Variants in CCDC91 observed in about 807,000 individuals in gnomAD.
CCDC91 encodes the protein coiled-coil domain containing 91.
In CCDC91, 48 loss-of-function variants were observed where a neutral mutation model predicts 63.2. The observed-to-expected ratio is 0.76, with a 90% CI of 0.60 to 0.97. The LOEUF (loss-of-function observed/expected upper bound fraction) is 0.97. CCDC91 is among the 50% of genes least tolerant of loss of function. CCDC91 has a pLI of 0.00. For missense variants in CCDC91, 500 were observed against 494.6 expected, an observed-to-expected ratio of 1.01 and a Z score of -0.10; for synonymous variants, 167 against 165.8, an observed-to-expected ratio of 1.01 and a Z score of -0.06.
At chr12:28,528,383 C>G (rs1040070344) in intron 12 of CCDC91, among the ~76,000 whole-genome samples, 1 of 152,198 alleles carries the variant, frequency 6.6e-6, no homozygotes, top group Non-Finnish European at 1.5e-5. Flanking sequence ...CTTTTCCCAT[C>G]ATCTAGAGCT....
intron 7 of CCDC91, among the ~76,000 whole-genome samples, chr12:28,366,278 C>T (rs918035473): frequency 7.2e-5 from 11 of 152,058 alleles, no homozygotes; most frequent in East Asian, 3.9e-4. Flanking sequence ...GTGGGTTCCC[C>T]GGATTTTCTT....
intron 8 of CCDC91, among the ~76,000 whole-genome samples, chr12:28,414,726 A>C (rs956750740): frequency 2.0e-5 from 3 of 152,200 alleles, no homozygotes; most frequent in Admixed American, 6.5e-5. Flanking sequence ...TGGTAATGAT[A>C]TATTGTTACA....
At position 28,405,484 on chromosome 12, in the gene CCDC91, G is replaced by A. The variant is rs528853855; in HGVS notation, c.762+14073G>A. On this transcript the variant is annotated intron_variant, in intron 8 of 12. Coordinates refer to ENST00000536442, the MANE Select transcript of CCDC91 (RefSeq NM_018318.5). ...ATTCCTTCTCAGATGCTTTTTCCAT[G>A]TTTATGTAGTTTCAAGCGTCTGACC... 1.1e-3 allele frequency among the ~76,000 whole-genome samples: 171 copies of A among 152,242 alleles called. 2 individuals carry two copies. The highest frequency in any genetic ancestry group is 3.5e-3 in the African/African-American group (145 of 41,574).
intron 3 of CCDC91, among the ~76,000 whole-genome samples, chr12:28,285,540 A>G (rs547250848): frequency 6.6e-6 from 1 of 152,080 alleles, no homozygotes; most frequent in South Asian, 2.1e-4. Flanking sequence ...TGGAATAAAG[A>G]GAATTAAATA....
intron 8 of CCDC91, among the ~76,000 whole-genome samples, chr12:28,405,067 CT>C (rs145338903): frequency 0.059 from 9,007 of 151,630 alleles, 401 homozygotes; most frequent in Non-Finnish European, 0.089. Context: ...ATTTGTTGCT[CT>C]TTTTTTTGGT....
intron 10 of CCDC91, among the ~76,000 whole-genome samples, chr12:28,451,409 G>T (rs1831888999): frequency 6.6e-6 from 1 of 151,644 alleles, no homozygotes; most frequent in Admixed American, 6.6e-5. Context: ...AGGTGGACAA[G>T]TTGTATACTG....
intron 1 of CCDC91, among the ~76,000 whole-genome samples, chr12:28,220,987 TC>T (rs1565630106): frequency 6.6e-6 from 1 of 152,132 alleles, no homozygotes; most frequent in Non-Finnish European, 1.5e-5. Flanking sequence ...TTCATGAAAT[TC>T]AGAAAATTTT....
In CCDC91 at chr12:28,279,954, C is replaced by T. The variant is rs1195000765; in HGVS notation, c.109+20512C>T. Among the ~76,000 whole-genome samples the T allele has an allele frequency of 5.3e-5, 8 of 152,122 alleles. No individual in the cohort carries two copies. In the South Asian group the frequency reaches 1.7e-3, roughly 31 times the overall value. On this transcript the variant is annotated intron_variant, in intron 3 of 12. Coordinates refer to ENST00000536442, the MANE Select transcript of CCDC91 (RefSeq NM_018318.5). ...GGTCTAAAATATGATAACATCATAT[C>T]TACTATTTTAGATATAGCTCATATT...
chr12:28,343,040 A>G (rs1019480537), intron 6 of CCDC91, among the ~76,000 whole-genome samples: 1 of 151,976 alleles, frequency 6.6e-6, no homozygotes. Context: ...TAGAAAATGC[A>G]TGTTTTGTGT....
chr12:28,527,862 G>T (rs1055295264), intron 12 of CCDC91, among the ~76,000 whole-genome samples: 1 of 152,048 alleles, frequency 6.6e-6, no homozygotes, highest in Non-Finnish European at 1.5e-5. Flanking sequence ...TGTCATGCAG[G>T]TTGCCAGGAA....
chr12:28,348,944 A>C (rs1456553927), intron 6 of CCDC91, among the ~76,000 whole-genome samples: 1 of 152,100 alleles, frequency 6.6e-6, no homozygotes, highest in Non-Finnish European at 1.5e-5. Context: ...GGCTGGTCTC[A>C]AACTCCTGAC....
chr12:28,288,141 C>T (rs990829578), intron 3 of CCDC91, among the ~76,000 whole-genome samples: 2 of 152,190 alleles, frequency 1.3e-5, no homozygotes, highest in Non-Finnish European at 2.9e-5. Flanking sequence ...ATCATGTTGT[C>T]TGCAAGCAGG....
At chr12:28,313,303 G>A (rs55996833) in intron 6 of CCDC91, among the ~76,000 whole-genome samples, 37,884 of 151,890 alleles carry the variant, frequency 0.25, 5,257 homozygotes, top group East Asian at 0.57. Flanking sequence ...CTTAAGAAAT[G>A]TTAGTATGTG....
At chr12:28,398,369 C>A (rs1236112502) in intron 8 of CCDC91, among the ~76,000 whole-genome samples, 2 of 151,856 alleles carry the variant, frequency 1.3e-5, no homozygotes, top group Non-Finnish European at 2.9e-5. Context: ...ATAATTTATA[C>A]CCTTTGATTG....
chr12:28,372,475 CATTT>C (rs1289062995), intron 7 of CCDC91, among the ~76,000 whole-genome samples: 1 of 151,942 alleles, frequency 6.6e-6, no homozygotes, highest in Admixed American at 6.6e-5. Flanking sequence ...GATGTATTCT[CATTT>C]GTTTGTGTCA....
At chr12:28,296,604 A>G (rs1949578657) in intron 3 of CCDC91, among the ~76,000 whole-genome samples, 1 of 151,824 alleles carries the variant, frequency 6.6e-6, no homozygotes, top group Non-Finnish European at 1.5e-5. Flanking sequence ...CCTAAAATCC[A>G]TTATATTACA....
At chr12:28,411,582 A>G (rs1356268169) in intron 8 of CCDC91, among the ~76,000 whole-genome samples, 2 of 152,110 alleles carry the variant, frequency 1.3e-5, no homozygotes, top group Non-Finnish European at 2.9e-5. Context: ...TTTATACAGA[A>G]TTTACTATGT....
At chr12:28,312,866 C>G (rs1939467663) in intron 6 of CCDC91, among the ~76,000 whole-genome samples, 1 of 152,002 alleles carries the variant, frequency 6.6e-6, no homozygotes, top group Non-Finnish European at 1.5e-5. Context: ...TGAGACGTGC[C>G]TTTCACTTTC....
At chr12:28,284,666 A>G (rs1284195923) in intron 3 of CCDC91, among the ~76,000 whole-genome samples, 16 of 151,842 alleles carry the variant, frequency 1.1e-4, no homozygotes, top group Non-Finnish European at 2.9e-5. Context: ...AAAAAAAAAA[A>G]GAAAAAGAAA....
Sources: gnomAD v4.1 joint callset for allele counts (sites outside exome capture counted in the v4.1 genomes callset) on GRCh38, gnomAD v4.1.1 for gene constraint, MANE v1.5 for transcripts, NCBI Gene and HGNC (gene_info 2026-07-23, HGNC 2026-07-21) for gene names.